CPLX2: variants seen among roughly 807,000 people sequenced by gnomAD.
CPLX2 encodes complexin-2.
In CPLX2, 5 loss-of-function variants were observed where a neutral mutation model predicts 16.3. The observed-to-expected ratio is 0.31, with a 90% CI of 0.16 to 0.64. The LOEUF (loss-of-function observed/expected upper bound fraction) is 0.64, where lower values mean the gene tolerates loss of function less well. Among genes scored for constraint, CPLX2 ranks in the 30% least tolerant of loss-of-function variants. The pLI, the probability that CPLX2 is intolerant of heterozygous loss-of-function variation, is 0.79. For synonymous variants in CPLX2, 89 were observed against 73.2 expected (o/e 1.22, Z -1.10); for missense variants, 144 against 181.4 (o/e 0.79, Z 1.18).
chr5:175,879,987 T>C lies in CPLX2; in HGVS notation c.347T>C (p.Ile116Thr). The C allele has an allele frequency of 6.2e-7, 1 of 1,614,010 alleles. No individual in the cohort carries two copies. The highest frequency in any genetic ancestry group is 8.5e-7 in the Non-Finnish European group (1 of 1,179,970). Residue 116 changes from isoleucine (I) to threonine (T), a missense_variant, in exon 4 of 4, where the codon ATC becomes ACC. Ile to Thr is a moderately conservative substitution (Grantham distance 89). Coordinates refer to ENST00000393745, the MANE Select transcript of CPLX2 (RefSeq NM_001008220.2). ...GAGGAGGAGGAGGAAGAGGAGAGCATCCTGGACACGGTGCTCAAATACCTG... is the reference window on the plus strand; with the variant it reads ...GAGGAGGAGGAGGAAGAGGAGAGCACCCTGGACACGGTGCTCAAATACCTG... ...GDEEEEEEESILDTVLKYLPG... is the reference protein window; with the variant it reads ...GDEEEEEEESTLDTVLKYLPG...
In CPLX2 at chr5:175,880,567, C is replaced by T. The variant is rs891831496; in HGVS notation, c.*522C>T. 5.1e-5 allele frequency: 9 copies of T among 177,274 alleles called. No individual in the cohort carries two copies. The highest frequency in any genetic ancestry group is 2.2e-4 in the African/African-American group (9 of 41,780). The allele number at this position is 177,274 out of a possible 1,614,324, so 11.0% of individuals were successfully genotyped here. A position where few individuals can be genotyped will look rare whatever the true frequency, so the allele number is the denominator to read the frequency against. On this transcript the variant is annotated 3_prime_UTR_variant, in exon 4 of 4. Transcript: ENST00000393745. Reference sequence around the variant, plus strand: ...GCCCTGGCTCTGGCCAGGCTGGGATCTGGGTGGGAGGCTGGGGCTCTTCTT... The same window carrying T: ...GCCCTGGCTCTGGCCAGGCTGGGATTTGGGTGGGAGGCTGGGGCTCTTCTT...
chr5:175,861,033 G>A (rs1457069758), intron 2 of CPLX2, among the ~76,000 whole-genome samples: 6 of 151,220 alleles, frequency 4.0e-5, no homozygotes, highest in Non-Finnish European at 8.8e-5. Context: ...GCAAGTGCAA[G>A]ATTTAAACAA....
Position 175,816,314 on chromosome 5 carries a change from C to T in CPLX2, c.-89+7246C>T, listed in dbSNP as rs11958794. On this transcript the variant is annotated intron_variant, in intron 2 of 4. Coordinates refer to the CPLX2 transcript ENST00000359546. The stretch of plus-strand genomic sequence containing the variant: ...TCCCAAGTAGTTGGGATTACAGGCC[C>T]GCATCACCATGCCCAGCTAATTTTT... 9.8e-3 allele frequency among the ~76,000 whole-genome samples: 1,494 copies of T among 152,208 alleles called. 27 individuals carry two copies. Among genetic ancestry groups the T allele is most frequent in the African/African-American group, 0.035 (1,455 of 41,530 alleles).
intron 2 of CPLX2, among the ~76,000 whole-genome samples, chr5:175,851,954 G>A (rs1759164228): frequency 6.6e-6 from 1 of 152,228 alleles, no homozygotes; most frequent in Non-Finnish European, 1.5e-5. Flanking sequence ...GCAGCCCCTG[G>A]GACGGGCTAT....
intron 2 of CPLX2, among the ~76,000 whole-genome samples, chr5:175,821,479 C>T (rs1404120160): frequency 6.6e-6 from 1 of 152,170 alleles, no homozygotes; most frequent in African/African-American, 2.4e-5. Context: ...GCGATCTCGG[C>T]TCATTGCAAC....
chr5:175,830,380 G>A lies in CPLX2; in HGVS notation c.-89+21312G>A, dbSNP rs754833534. Among the ~76,000 whole-genome samples, 4 of 152,218 alleles carry A rather than the reference G, an allele frequency of 2.6e-5. No homozygotes were observed. Among genetic ancestry groups the A allele is most frequent in the Non-Finnish European group, 4.4e-5 (3 of 68,036 alleles). On this transcript the variant is annotated intron_variant, in intron 2 of 4. Coordinates refer to the CPLX2 transcript ENST00000359546. The surrounding 1 kb of genome is among the most constrained non-coding windows in gnomAD (Gnocchi z 4.0). ...CAACTTGCCCAGGGTTACACAGCCA[G>A]GGAGCAGCAGAGCCCAGGTATGAAC...
chr5:175,858,068 G>A (rs764389716), intron 2 of CPLX2, among the ~76,000 whole-genome samples: 5 of 152,230 alleles, frequency 3.3e-5, no homozygotes, highest in Non-Finnish European at 7.3e-5. Context: ...GGCTCAGAGT[G>A]GAAAGCTGAC....
intron 1 of CPLX2, among the ~76,000 whole-genome samples, chr5:175,797,476 G>T (rs548203145): frequency 1.4e-4 from 21 of 152,276 alleles, no homozygotes; most frequent in African/African-American, 3.8e-4. Context: ...GGGGAGGAAG[G>T]AGTGCGCCGC....
chr5:175,879,550 A>C (rs905101555), intron 3 of CPLX2, among the ~76,000 whole-genome samples: 9 of 152,242 alleles, frequency 5.9e-5, no homozygotes, highest in African/African-American at 1.9e-4. Context: ...TCGTCACCAA[A>C]ATTTGGCTCA....
chr5:175,865,228 C>T (rs1356580638), intron 2 of CPLX2, among the ~76,000 whole-genome samples: 1 of 152,202 alleles, frequency 6.6e-6, no homozygotes, highest in East Asian at 1.9e-4. Context: ...AACCAATATC[C>T]TTGCTTTAAC....
At chr5:175,860,507 A>G (rs1759345628) in intron 2 of CPLX2, among the ~76,000 whole-genome samples, 1 of 21,770 alleles carries the variant, frequency 4.6e-5, no homozygotes, top group African/African-American at 2.1e-4. Flanking sequence ...GAAAAGAAAG[A>G]AAGAAAGAAA....
At chr5:175,834,923 C>G (rs1304176854) in intron 2 of CPLX2, among the ~76,000 whole-genome samples, 1 of 152,126 alleles carries the variant, frequency 6.6e-6, no homozygotes, top group Non-Finnish European at 1.5e-5. Context: ...TTTGTGGAAG[C>G]AAAATCCCAG....
At chr5:175,853,335 C>G (rs1018654198) in intron 2 of CPLX2, among the ~76,000 whole-genome samples, 2 of 152,230 alleles carry the variant, frequency 1.3e-5, no homozygotes, top group Non-Finnish European at 2.9e-5. Context: ...CAGCCTCACA[C>G]GGTGCCCCTG....
At chr5:175,879,645 A>G in intron 3 of CPLX2, 1 of 694,252 alleles carries the variant, frequency 1.4e-6, no homozygotes. Context: ...TTAATTTTAA[A>G]GGAAACCCCA....
At chr5:175,831,856 G>A (rs143320564) in intron 2 of CPLX2, among the ~76,000 whole-genome samples, 6 of 152,364 alleles carry the variant, frequency 3.9e-5, no homozygotes, top group Non-Finnish European at 7.3e-5. Context: ...GGAGATGGGC[G>A]ACATTTGAGT....
intron 2 of CPLX2, among the ~76,000 whole-genome samples, chr5:175,859,287 T>C (rs1445904642): frequency 2.6e-5 from 4 of 152,220 alleles, no homozygotes; most frequent in African/African-American, 9.6e-5. Context: ...AAAGTCACCT[T>C]GGGAAGGCCT....
At chr5:175,797,123 C>T (rs960495772) in intron 1 of CPLX2, among the ~76,000 whole-genome samples, 1 of 152,188 alleles carries the variant, frequency 6.6e-6, no homozygotes, top group African/African-American at 2.4e-5. Flanking sequence ...CCGTCCCTCG[C>T]CCCCGCGGGC....
intron 2 of CPLX2, among the ~76,000 whole-genome samples, chr5:175,829,475 C>G (rs1157957069): frequency 6.6e-6 from 1 of 152,184 alleles, no homozygotes; most frequent in Non-Finnish European, 1.5e-5. Context: ...TCACTCTTTG[C>G]TAAAAGATGG....
intron 2 of CPLX2, among the ~76,000 whole-genome samples, chr5:175,860,237 T>C (rs928728475): frequency 2.6e-5 from 4 of 152,044 alleles, no homozygotes; most frequent in African/African-American, 9.7e-5. Flanking sequence ...ATGCCTGTAA[T>C]CCCAGCACAT....
Sources: allele counts gnomAD v4.1 joint callset (sites outside exome capture counted in the v4.1 genomes callset), GRCh38; gene constraint gnomAD v4.1.1; non-coding constraint Gnocchi (gnomAD v3.1); transcripts MANE v1.5; gene names NCBI Gene and HGNC (gene_info 2026-07-23, HGNC 2026-07-21).